SCML2: variants seen among roughly 807,000 people sequenced by gnomAD.
The protein encoded by SCML2 is Scm polycomb group protein like 2, also known as sex comb on midleg-like protein 2.
Under a neutral mutation model 48.4 loss-of-function variants are expected in SCML2, and 6 were observed. The ratio of observed to expected loss-of-function variants is 0.12; its 90% CI spans 0.07 to 0.24. The LOEUF (loss-of-function observed/expected upper bound fraction) is 0.24, where lower values mean the gene tolerates loss of function less well. Ranked by LOEUF, SCML2 falls within the 10% of genes least tolerant of loss-of-function variation. SCML2 has a pLI of 1.00. For missense variants in SCML2, 377 were observed against 528.2 expected, an observed-to-expected ratio of 0.71 and a Z score of 2.81; for synonymous variants, 181 against 189.5, an observed-to-expected ratio of 0.95 and a Z score of 0.37.
In SCML2 at chrX:18,247,829, C is replaced by T. The variant is rs1361519127; in HGVS notation, c.1510G>A (p.Val504Ile). ...QSTKRSPQQT[V>I]PYVVPLSPKL... ...GGAGAGAGAGGAACAACATATGGTA[C>T]AGTTTGCTGAGGAGATCGTTTGGTG... Residue 504 changes from valine (V) to isoleucine (I), a missense_variant, in exon 12 of 15, where the codon GTA becomes ATA. Transcript: ENST00000251900. The T allele has an allele frequency of 8.3e-7, 1 of 1,211,242 alleles. No individual in the cohort carries two copies. The highest frequency in any genetic ancestry group is 1.8e-5 in the South Asian group (1 of 56,951).
At chrX:18,248,855 G>A (rs913346487) in intron 11 of SCML2, among the ~76,000 whole-genome samples, 5 of 111,734 alleles carry the variant, frequency 4.5e-5, no homozygotes, top group Non-Finnish European at 9.4e-5. Flanking sequence ...TCAGAATCTC[G>A]GCAAGATTAG....
chrX:18,285,027 C>T (rs1478006102), intron 7 of SCML2, among the ~76,000 whole-genome samples: 2 of 94,638 alleles, frequency 2.1e-5, no homozygotes, highest in African/African-American at 4.1e-5. Context: ...GCAACAAGAG[C>T]GCAACTCCGC....
chrX:18,325,243 G>A (rs1311332418), intron 3 of SCML2, among the ~76,000 whole-genome samples: 5 of 111,982 alleles, frequency 4.5e-5, no homozygotes, highest in African/African-American at 1.3e-4. Flanking sequence ...CTACAGCACA[G>A]TGATTCTAAA....
At chrX:18,319,039 A>C (rs1475898496) in intron 6 of SCML2, among the ~76,000 whole-genome samples, 2 of 112,024 alleles carry the variant, frequency 1.8e-5, no homozygotes, top group East Asian at 2.8e-4. Flanking sequence ...GAATAAACAG[A>C]CCACGTGAAA....
At chrX:18,290,802 T>C (rs1383598349) in intron 7 of SCML2, among the ~76,000 whole-genome samples, 1 of 111,459 alleles carries the variant, frequency 9.0e-6, no homozygotes, top group African/African-American at 3.3e-5. Context: ...TAAAAAAATT[T>C]TTCACATAGC....
intron 2 of SCML2, 90 bp from the exon 3 acceptor site, chrX:18,330,745 G>A: frequency 2.1e-6 from 1 of 482,047 alleles, no homozygotes; most frequent in Non-Finnish European, 3.3e-6. Flanking sequence ...ACTTTAAAGA[G>A]CCAATTTTAG....
At chrX:18,284,056 G>A (rs1927958941) in intron 7 of SCML2, among the ~76,000 whole-genome samples, 1 of 111,459 alleles carries the variant, frequency 9.0e-6, no homozygotes, top group Non-Finnish European at 1.9e-5. Flanking sequence ...GCATGGTACT[G>A]GTACAAAAAC....
At chrX:18,353,560 G>A (rs1444894075) in intron 1 of SCML2, among the ~76,000 whole-genome samples, 1 of 112,737 alleles carries the variant, frequency 8.9e-6, no homozygotes, top group African/African-American at 3.2e-5. Flanking sequence ...CCTAAAGTAA[G>A]TCATAAACGT....
At position 18,243,743 on chromosome X, in the gene SCML2, C is replaced by T. The variant is rs570575955; in HGVS notation, c.1823-1153G>A. 1.6e-4 allele frequency among the ~76,000 whole-genome samples: 18 copies of T among 111,984 alleles called. No individual in the cohort carries two copies. The South Asian group carries it at 6.7e-3, about 42-fold the overall frequency. ...CATACCTCAAATGGTCTTAGCTGTG[C>T]TCTTTACTAAGTTGTGATAAAATCT... On this transcript the variant is annotated intron_variant, in intron 13 of 14. Transcript: ENST00000251900.
At chrX:18,249,019 T>TA (rs769064641) in intron 11 of SCML2, among the ~76,000 whole-genome samples, 309 of 111,728 alleles carry the variant, frequency 2.8e-3, no homozygotes, top group African/African-American at 9.5e-3. Flanking sequence ...AAAGTGTTCC[T>TA]ACAGAGATAA....
intron 2 of SCML2, 107 bp from the exon 3 acceptor site, chrX:18,330,762 A>G: frequency 2.3e-6 from 1 of 431,653 alleles, no homozygotes. Context: ...TTAGTTTTAT[A>G]ATATCTTCAT....
intron 11 of SCML2, among the ~76,000 whole-genome samples, chrX:18,249,038 A>G (rs998590514): frequency 8.9e-6 from 1 of 111,887 alleles, no homozygotes; most frequent in Non-Finnish European, 1.9e-5. Context: ...AACTAGGAAA[A>G]GCCAGGTAAT....
intron 1 of SCML2, among the ~76,000 whole-genome samples, chrX:18,339,621 G>C (rs145725097): frequency 0.039 from 4,355 of 111,380 alleles, 228 homozygotes; most frequent in African/African-American, 0.13. Context: ...GGCTGAGGAG[G>C]GAGGATCACT....
chrX:18,251,497 T>A (rs1829484076), intron 11 of SCML2, among the ~76,000 whole-genome samples: 1 of 110,692 alleles, frequency 9.0e-6, no homozygotes, highest in Admixed American at 9.7e-5. Context: ...CGAACAGACA[T>A]TTCTCTGAAG....
intron 8 of SCML2, among the ~76,000 whole-genome samples, chrX:18,264,431 TTGTGTGTGTGTGTGTGTG>T (rs149069692): frequency 5.0e-4 from 42 of 83,921 alleles, no homozygotes; most frequent in South Asian, 1.5e-3. Flanking sequence ...ATCAGTACGA[TTGTGTGTGTGTGTGTGTG>T]TGTGTGTGTG....
chrX:18,309,478 C>T (rs535150635), intron 6 of SCML2, among the ~76,000 whole-genome samples: 10 of 111,757 alleles, frequency 8.9e-5, no homozygotes, highest in East Asian at 2.8e-4. Context: ...CACATGTTCG[C>T]GTATGTTCAT....
chrX:18,295,216 G>T (rs1928354821), intron 7 of SCML2, among the ~76,000 whole-genome samples: 1 of 111,724 alleles, frequency 9.0e-6, no homozygotes, highest in Admixed American at 9.4e-5. Flanking sequence ...TGCACCAGGG[G>T]TCCAGGGTAT....
chrX:18,332,527 T>C (rs947472928), intron 2 of SCML2, among the ~76,000 whole-genome samples: 18 of 112,343 alleles, frequency 1.6e-4, no homozygotes, highest in African/African-American at 5.2e-4. Flanking sequence ...GTTTAAATGA[T>C]TTCAACTGAG....
chrX:18,247,352 C>A (rs185099836), intron 12 of SCML2, among the ~76,000 whole-genome samples: 415 of 111,558 alleles, frequency 3.7e-3, no homozygotes, highest in Non-Finnish European at 5.1e-3. Flanking sequence ...GCCAGTCTTG[C>A]CACCAAGGCT....
Sources: allele counts gnomAD v4.1 joint callset (sites outside exome capture counted in the v4.1 genomes callset), GRCh38; gene constraint gnomAD v4.1.1; transcripts MANE v1.5; gene names NCBI Gene and HGNC (gene_info 2026-07-23, HGNC 2026-07-21).